MYBPC1: variants seen among roughly 807,000 people sequenced by gnomAD.
MYBPC1 encodes the protein myosin-binding protein C, slow-type.
Under a neutral mutation model 147.1 loss-of-function variants are expected in MYBPC1, and 52 were observed. The observed-to-expected ratio is 0.35, with a 90% confidence interval of 0.28 to 0.45. The LOEUF (loss-of-function observed/expected upper bound fraction) is 0.45. Ranked by LOEUF, MYBPC1 falls within the 20% of genes least tolerant of loss-of-function variation. The pLI, the probability that MYBPC1 is intolerant of heterozygous loss-of-function variation, is 1.00. For synonymous variants in MYBPC1, 477 were observed against 475.9 expected, an observed-to-expected ratio of 1.00 and a Z score of -0.03; for missense variants, 1,228 against 1,440.3, an observed-to-expected ratio of 0.85 and a Z score of 2.39.
chr12:101,648,030 C>A lies in MYBPC1; in HGVS notation c.1091-15C>A. On this transcript the variant is annotated splice_polypyrimidine_tract_variant and intron_variant, in intron 13 of 31. Transcript: ENST00000361466. ...GGATATTTAATGATTCTGATTTCCCCTTTTTGTATACTAGAGCCTCCAATT... is the reference window on the plus strand; with the variant it reads ...GGATATTTAATGATTCTGATTTCCCATTTTTGTATACTAGAGCCTCCAATT... The A allele has an allele frequency of 2.5e-6, 4 of 1,586,494 alleles. No homozygotes were observed. The highest frequency in any genetic ancestry group is 1.1e-5 in the South Asian group (1 of 90,526).
chr12:101,682,363 T>C (rs1301371106), intron 29 of MYBPC1, among the ~76,000 whole-genome samples: 1 of 152,208 alleles, frequency 6.6e-6, no homozygotes, highest in African/African-American at 2.4e-5. Flanking sequence ...GAAAATGTAG[T>C]AAATGGTACA....
downstream of MYBPC1, among the ~76,000 whole-genome samples, chr12:101,688,435 TA>T (rs1253776064): frequency 2.6e-5 from 4 of 151,994 alleles, no homozygotes; most frequent in Non-Finnish European, 5.9e-5. Flanking sequence ...AAATTTTTTT[TA>T]AGGTTCACGT....
rs536475896 is a variant in MYBPC1, at chr12:101,644,300, G to A, written c.833-364G>A. On this transcript the variant is annotated intron_variant, in intron 11 of 31. Coordinates refer to ENST00000361466, the MANE Select transcript of MYBPC1 (RefSeq NM_002465.4). ...GATCTGCCTGCCTCAGCCTCCCAAA[G>A]TGCTGGGATTACAGGAGTGAGCCAC... Among the ~76,000 whole-genome samples the A allele has an allele frequency of 2.2e-4, 33 of 152,272 alleles. No homozygotes were observed. In the East Asian group the frequency reaches 6.0e-3, roughly 28 times the overall value.
chr12:101,637,177 T>C (rs988208567), intron 10 of MYBPC1: 3 of 157,740 alleles, frequency 1.9e-5, no homozygotes, highest in Non-Finnish European at 4.2e-5. Flanking sequence ...ACTTTATAAA[T>C]CACTAAGCAA....
At chr12:101,623,156 T>C (rs1353753935) in intron 3 of MYBPC1, among the ~76,000 whole-genome samples, 1 of 152,154 alleles carries the variant, frequency 6.6e-6, no homozygotes, top group African/African-American at 2.4e-5. Flanking sequence ...CTGGCCAATA[T>C]GGTGAAACCC....
chr12:101,653,371 G>T, intron 18 of MYBPC1, 123 bp downstream of exon 18: 1 of 1,274,660 alleles, frequency 7.8e-7, no homozygotes, highest in Non-Finnish European at 1.1e-6. Flanking sequence ...CAGCAGTACA[G>T]TAAAGATGTA....
At chr12:101,640,826 A>G (rs1181403388) in intron 10 of MYBPC1, among the ~76,000 whole-genome samples, 1 of 152,176 alleles carries the variant, frequency 6.6e-6, no homozygotes, top group Non-Finnish European at 1.5e-5. Context: ...CAAAGTACAC[A>G]TGAGTGTAAA....
At chr12:101,650,499 T>C (rs1024386203) in intron 15 of MYBPC1, among the ~76,000 whole-genome samples, 15 of 152,078 alleles carry the variant, frequency 9.9e-5, no homozygotes, top group African/African-American at 3.6e-4. Flanking sequence ...CCAAGCAAAA[T>C]GGCAAAAGTC....
rs145992953 is a variant in MYBPC1, at chr12:101,685,012, C to T, written c.*20-570C>T. Among the ~76,000 whole-genome samples the T allele has an allele frequency of 3.6e-3, 552 of 152,016 alleles. 6 individuals are homozygous for T. The highest frequency in any genetic ancestry group is 0.012 in the African/African-American group (512 of 41,456). ...GTATGAAATATTGGTAGGTGTTTCTCGCACCTTCAGAAAGTATTGGACCGG... is the reference window on the plus strand; with the variant it reads ...GTATGAAATATTGGTAGGTGTTTCTTGCACCTTCAGAAAGTATTGGACCGG... On this transcript the variant is annotated intron_variant, in intron 31 of 31. Coordinates refer to ENST00000361466, the MANE Select transcript of MYBPC1 (RefSeq NM_002465.4).
At position 101,651,380 on chromosome 12, in the gene MYBPC1, G is replaced by C. The variant is rs1894403604; in HGVS notation, c.1513G>C (p.Val505Leu). 3 of 1,613,998 alleles carry C rather than the reference G, an allele frequency of 1.9e-6. No homozygotes were observed. The highest frequency in any genetic ancestry group is 1.7e-6 in the Non-Finnish European group (2 of 1,179,980). Residue 505 changes from valine (V) to leucine (L), a missense_variant, in exon 16 of 32, where the codon GTT becomes CTT. Val to Leu is a conservative substitution (Grantham distance 32, BLOSUM62 1). This residue lies in a region of MYBPC1 where 1,077 missense variants were observed against 1,314.2 expected (regional missense o/e 0.82). Transcript: ENST00000361466. The part of the protein sequence containing the change: ...PVQESDRLKV[V>L]HKGRIHKLVI... ...TCAGGAGAGTGACCGTCTAAAGGTG[G>C]TTCACAAGGGAAGGTAAGCGAGCCA...
At chr12:101,666,922 CACACACAT>C (rs1177726084) in intron 22 of MYBPC1, 415 of 405,118 alleles carry the variant, frequency 1.0e-3, no homozygotes, top group Middle Eastern at 2.0e-3. Flanking sequence ...CACACACACA[CACACACAT>C]ACACACACAC....
chr12:101,636,893 T>G lies in MYBPC1; in HGVS notation c.665+165T>G, dbSNP rs148472247. 1.3e-3 allele frequency: 842 copies of G among 632,838 alleles called. 10 individuals carry two copies. In the African/African-American group the frequency reaches 0.013, roughly 10 times the overall value. 39.2% of individuals were successfully genotyped at this position (632,838 alleles called of 1,614,324 possible). A position where few individuals can be genotyped will look rare whatever the true frequency, so the allele number is the denominator to read the frequency against. ...AGTTGACTAGAAAGAGAGAAACAAC[T>G]GCATACTAATCTTTTAAAGCCTTTA... On this transcript the variant is annotated intron_variant, in intron 10 of 31. Transcript: ENST00000361466.
At chr12:101,676,332 G>A (rs181531656) in intron 26 of MYBPC1, among the ~76,000 whole-genome samples, 5 of 152,240 alleles carry the variant, frequency 3.3e-5, no homozygotes, top group Admixed American at 3.3e-4. Context: ...CCAGCTACTT[G>A]GGAGGCTGAG....
rs1898385779 is a variant in MYBPC1, at chr12:101,670,393, T to C, written c.2597T>C (p.Leu866Pro). The change falls in exon 24 of 32, where the codon CTG (leucine) becomes CCG (proline). Residue 866 changes from leucine to proline, a missense_variant. Physicochemically the swap from Leu to Pro is moderately conservative, Grantham distance 98 (BLOSUM62 -3). Around this residue, in one of 2 missense-constraint regions of MYBPC1, gnomAD observed 1,077 missense variants for 1,314.2 expected, o/e 0.82. Transcript: ENST00000361466. ...YIRRVGEAVNLVIPFQGKPRP... is the reference protein window; with the variant it reads ...YIRRVGEAVNPVIPFQGKPRP... ...CGCAGAGTTGGAGAAGCTGTCAATC[T>C]GGTTATACCTTTCCAGGTAAGAGTT... The C allele has an allele frequency of 6.2e-7, 1 of 1,613,758 alleles. No individual in the cohort carries two copies.
intron 6 of MYBPC1, among the ~76,000 whole-genome samples, chr12:101,630,115 A>G (rs1889581627): frequency 6.6e-6 from 1 of 152,154 alleles, no homozygotes; most frequent in Non-Finnish European, 1.5e-5. Context: ...CCTATTTTGG[A>G]TATTTCATAT....
Position 101,663,511 on chromosome 12 carries a change from T to C in MYBPC1, c.2307T>C (p.Ile769=). The C allele has an allele frequency of 6.2e-7, 1 of 1,614,120 alleles. No individual in the cohort carries two copies. Among genetic ancestry groups the C allele is most frequent in the Non-Finnish European group, 8.5e-7 (1 of 1,180,004 alleles). ...TGAGGTGGCGCCCCCCAGACCACAT[T>C]GGTGCAGCAGGTTTAGATGGCTATG... ...VTMRWRPPDH[I]GAAGLDGYVL... is the part of the protein sequence containing the mutation. Residue 769 remains isoleucine, a synonymous_variant, in exon 22 of 32, where the codon ATT becomes ATC. Coordinates refer to ENST00000361466, the MANE Select transcript of MYBPC1 (RefSeq NM_002465.4).
intron 1 of MYBPC1, among the ~76,000 whole-genome samples, chr12:101,601,239 C>A (rs576963612): frequency 1.3e-4 from 20 of 152,184 alleles, no homozygotes; most frequent in Non-Finnish European, 1.9e-4. Flanking sequence ...TCTGTCCTTG[C>A]AGCTTTTTAC....
At chr12:101,640,355 A>G (rs1220613939) in intron 10 of MYBPC1, among the ~76,000 whole-genome samples, 2 of 152,160 alleles carry the variant, frequency 1.3e-5, no homozygotes, top group Admixed American at 6.5e-5. Flanking sequence ...ACTTCCTACT[A>G]AAATATTTAA....
chr12:101,648,208 T>C, intron 14 of MYBPC1, 58 bp downstream of exon 14: 3 of 1,232,908 alleles, frequency 2.4e-6, no homozygotes, highest in Admixed American at 3.4e-5. Flanking sequence ...TGGACCTTCA[T>C]AGTTGATAGA....
Sources: allele counts gnomAD v4.1 joint callset (sites outside exome capture counted in the v4.1 genomes callset), GRCh38; gene constraint gnomAD v4.1.1; regional missense constraint gnomAD v4.1.1; transcripts MANE v1.5; gene names NCBI Gene and HGNC (gene_info 2026-07-23, HGNC 2026-07-21).